The following PLK1 variants were observed in gnomAD, a reference collection of about 807,000 sequenced individuals.
The protein encoded by PLK1 is serine/threonine-protein kinase PLK1.
PLK1 carries 6 observed loss-of-function variants against 56.7 expected under a neutral mutation model. The ratio of observed to expected loss-of-function variants is 0.11; its 90% CI spans 0.06 to 0.21. The LOEUF (loss-of-function observed/expected upper bound fraction) is 0.21, where lower values mean the gene tolerates loss of function less well. PLK1 is among the 10% of genes least tolerant of loss of function. The pLI is 1.00. For synonymous variants in PLK1, 298 were observed against 325.0 expected (o/e 0.92, Z 0.89); for missense variants, 546 against 814.4 (o/e 0.67, Z 4.01).
rs759718205 is a variant in PLK1, at chr16:23,690,072, C to T, written c.*9C>T. Reference sequence around the variant, plus strand: ...GTCTCAAGGCCTCCTAATAGCTGCCCTCCCCTCCGGACTGGTGCCCTCCTC... The same window carrying T: ...GTCTCAAGGCCTCCTAATAGCTGCCTTCCCCTCCGGACTGGTGCCCTCCTC... On this transcript the variant is annotated 3_prime_UTR_variant, in exon 10 of 10. Coordinates refer to ENST00000300093, the MANE Select transcript of PLK1 (RefSeq NM_005030.6). 1 of 1,601,688 alleles carries T rather than the reference C, an allele frequency of 6.2e-7. No homozygotes were observed. The highest frequency in any genetic ancestry group is 1.1e-5 in the South Asian group (1 of 90,902).
chr16:23,689,722 C>T lies in PLK1; in HGVS notation c.1608+46C>T, dbSNP rs561698526. ...CGCAGGAGAGAGCTGGGGTAGGCTC[C>T]GCATGCCTGGCAGTGGCCCATGTGG... On this transcript the variant is annotated intron_variant, in intron 9 of 9. Coordinates refer to ENST00000300093, the MANE Select transcript of PLK1 (RefSeq NM_005030.6). This position sits in a 1 kb window ranked among gnomAD's most constrained non-coding sequence, Gnocchi z 4.8. The T allele has an allele frequency of 2.1e-5, 33 of 1,567,914 alleles. No homozygotes were observed. The highest frequency in any genetic ancestry group is 5.4e-5 in the African/African-American group (4 of 74,244).
chr16:23,689,724 C>T lies in PLK1; in HGVS notation c.1608+48C>T. On this transcript the variant is annotated intron_variant, in intron 9 of 9. Transcript: ENST00000300093. This position sits in a 1 kb window ranked among gnomAD's most constrained non-coding sequence, Gnocchi z 4.8. ...CAGGAGAGAGCTGGGGTAGGCTCCG[C>T]ATGCCTGGCAGTGGCCCATGTGGGT... The T allele has an allele frequency of 6.4e-7, 1 of 1,565,580 alleles. No homozygotes were observed. The highest frequency in any genetic ancestry group is 8.7e-7 in the Non-Finnish European group (1 of 1,150,168).
chr16:23,687,362 T>C, intron 5 of PLK1, 107 bp from the exon 6 acceptor site: 1 of 899,770 alleles, frequency 1.1e-6, no homozygotes, highest in Non-Finnish European at 1.7e-6. Flanking sequence ...TGATTCAGTT[T>C]CCCCAAAGCA....
At chr16:23,688,587 C>T in intron 6 of PLK1, 81 bp from the exon 7 acceptor site, 2 of 1,142,538 alleles carry the variant, frequency 1.8e-6, no homozygotes, top group Non-Finnish European at 2.7e-6. Context: ...CTTCCCTGTT[C>T]CCTGGTGTGG....
chr16:23,684,134 C>A, intron 5 of PLK1, 45 bp downstream of exon 5: 4 of 1,501,464 alleles, frequency 2.7e-6, no homozygotes, highest in Non-Finnish European at 3.7e-6. Flanking sequence ...CCAGAGAAAG[C>A]CCAGGTTGTA....
intron 6 of PLK1, 109 bp downstream of exon 6, chr16:23,687,733 A>G: frequency 2.8e-6 from 2 of 721,838 alleles, no homozygotes; most frequent in Non-Finnish European, 4.2e-6. Context: ...CCCTGTCTGC[A>G]TAGGACCATT....
At chr16:23,683,031 C>A in intron 4 of PLK1, among the ~76,000 whole-genome samples, 1 of 138,730 alleles carries the variant, frequency 7.2e-6, no homozygotes, top group East Asian at 2.2e-4. Flanking sequence ...CGCTCTGTCG[C>A]CCAGGCTGGA....
At chr16:23,685,886 C>G (rs2140999876) in intron 5 of PLK1, among the ~76,000 whole-genome samples, 1 of 152,090 alleles carries the variant, frequency 6.6e-6, no homozygotes, top group Middle Eastern at 3.4e-3. Flanking sequence ...CTTTTCCTCA[C>G]TTTTTTTGCA....
intron 2 of PLK1, among the ~76,000 whole-genome samples, chr16:23,680,576 C>T (rs977479325): frequency 2.6e-5 from 4 of 152,224 alleles, no homozygotes; most frequent in African/African-American, 7.2e-5. Flanking sequence ...GACTTCTTTG[C>T]CACAGTCTCT....
chr16:23,688,574 A>T, intron 6 of PLK1, 94 bp from the exon 7 acceptor site: 2 of 1,017,594 alleles, frequency 2.0e-6, no homozygotes, highest in East Asian at 2.4e-5. Flanking sequence ...GGTGCCCAGC[A>T]GGCTTCCCTG....
chr16:23,687,362 TCC>T (rs1959444579), intron 5 of PLK1, 105 bp from the exon 6 acceptor site: 1 of 899,652 alleles, frequency 1.1e-6, no homozygotes, highest in African/African-American at 1.7e-5. Flanking sequence ...TGATTCAGTT[TCC>T]CCAAAGCAGT....
At chr16:23,684,227 A>G (rs1959388768) in intron 5 of PLK1, 138 bp downstream of exon 5, 5 of 658,508 alleles carry the variant, frequency 7.6e-6, no homozygotes, top group South Asian at 5.4e-5. Flanking sequence ...CGTGGTTCCA[A>G]TGCCCATCTG....
At position 23,690,064 on chromosome 16, in the gene PLK1, T is replaced by C. The variant is rs912897939; in HGVS notation, c.*1T>C. 2 of 1,605,544 alleles carry C rather than the reference T, an allele frequency of 1.2e-6. No individual in the cohort carries two copies. Among genetic ancestry groups the C allele is most frequent in the Admixed American group, 1.7e-5 (1 of 59,968 alleles). On this transcript the variant is annotated 3_prime_UTR_variant, in exon 10 of 10. Transcript: ENST00000300093. ...CAGCAACCGTCTCAAGGCCTCCTAATAGCTGCCCTCCCCTCCGGACTGGTG... is the reference window on the plus strand; with the variant it reads ...CAGCAACCGTCTCAAGGCCTCCTAACAGCTGCCCTCCCCTCCGGACTGGTG...
intron 1 of PLK1, 199 bp downstream of exon 1, chr16:23,679,539 G>A (rs1204578922): frequency 7.0e-6 from 4 of 574,312 alleles, no homozygotes; most frequent in African/African-American, 1.9e-5. Flanking sequence ...TAGAGGAGGG[G>A]GTTCCAGTGA....
At position 23,690,158 on chromosome 16, in the gene PLK1, GC is replaced by G; in HGVS notation, c.*101del. ...TCCCGCGGTGCCATGTCTGCAGTGT[GC>G]CCCCCAGCCCCGGTGGCTGGGCAGA... On this transcript the variant is annotated 3_prime_UTR_variant, in exon 10 of 10. Coordinates refer to ENST00000300093, the MANE Select transcript of PLK1 (RefSeq NM_005030.6). 9.7e-6 allele frequency: 9 copies of G among 925,634 alleles called. No individual in the cohort carries two copies. Among genetic ancestry groups the G allele is most frequent in the South Asian group, 1.4e-5 (1 of 72,272 alleles). 57.3% of individuals were successfully genotyped at this position (925,634 alleles called of 1,614,324 possible). A position where few individuals can be genotyped will look rare whatever the true frequency, so the allele number is the denominator to read the frequency against.
intron 5 of PLK1, among the ~76,000 whole-genome samples, chr16:23,685,708 A>T (rs1006417744): frequency 3.9e-5 from 5 of 128,368 alleles, no homozygotes; most frequent in African/African-American, 3.6e-5. Flanking sequence ...ACTCTGTCTC[A>T]AAAAAAAAAA....
chr16:23,684,073 C>T lies in PLK1; in HGVS notation c.1020C>T (p.Leu340=). 4 of 1,613,932 alleles carry T rather than the reference C, an allele frequency of 2.5e-6. No individual in the cohort carries two copies. The highest frequency in any genetic ancestry group is 1.1e-5 in the South Asian group (1 of 91,070). The change falls in exon 5 of 10, where the codon CTC becomes CTT. Residue 340 remains leucine (L), a synonymous_variant. Coordinates refer to ENST00000300093, the MANE Select transcript of PLK1 (RefSeq NM_005030.6). ...TGGACCCCAGCAACCGGAAGCCCCT[C>T]ACAGTCCTCAATAAAGGTACAACAA... is the stretch of plus-strand genomic sequence containing the variant. The part of the protein sequence containing the change: ...SSLDPSNRKP[L]TVLNKGLENP...
At position 23,681,600 on chromosome 16, in the gene PLK1, T is replaced by C. The variant is rs79738474; in HGVS notation, c.723-464T>C. On this transcript the variant is annotated intron_variant, in intron 3 of 9. Transcript: ENST00000300093. The stretch of plus-strand genomic sequence containing the variant: ...CTTGGGCCTTTTCAGGTGTTATCTT[T>C]CTTGTTTTGGGCCTAGGTACTGGAG... 3.2e-3 allele frequency among the ~76,000 whole-genome samples: 483 copies of C among 152,316 alleles called. 1 individual carries two copies. Among genetic ancestry groups the C allele is most frequent in the Non-Finnish European group, 5.6e-3 (381 of 68,024 alleles).
At position 23,689,746 on chromosome 16, in the gene PLK1, G is replaced by A. The variant is rs965639451; in HGVS notation, c.1608+70G>A. 41 of 1,546,692 alleles carry A rather than the reference G, an allele frequency of 2.7e-5. No homozygotes were observed. The African/African-American group carries it at 5.4e-4, about 20-fold the overall frequency. Reference sequence around the variant, plus strand: ...CCGCATGCCTGGCAGTGGCCCATGTGGGTTGAATGTGGAGTGAGCGGCTCA... The same window carrying A: ...CCGCATGCCTGGCAGTGGCCCATGTAGGTTGAATGTGGAGTGAGCGGCTCA... On this transcript the variant is annotated intron_variant, in intron 9 of 9. Coordinates refer to ENST00000300093, the MANE Select transcript of PLK1 (RefSeq NM_005030.6). The surrounding 1 kb of genome is among the most constrained non-coding windows in gnomAD (Gnocchi z 4.8).
Sources: allele counts gnomAD v4.1 joint callset (sites outside exome capture counted in the v4.1 genomes callset), GRCh38; gene constraint gnomAD v4.1.1; non-coding constraint Gnocchi (gnomAD v3.1); transcripts MANE v1.5; gene names NCBI Gene and HGNC (gene_info 2026-07-23, HGNC 2026-07-21).